The following FANCL variants were observed in gnomAD, a reference collection of about 807,000 sequenced individuals.
The protein encoded by FANCL is E3 ubiquitin-protein ligase FANCL.
Under a neutral mutation model 59.4 loss-of-function variants are expected in FANCL, and 69 were observed. The ratio of observed to expected loss-of-function variants is 1.16; its 90% CI spans 0.96 to 1.42. FANCL has a LOEUF of 1.42. Ranked by LOEUF, FANCL falls within the 40% of genes most tolerant of loss-of-function variation. The pLI is 0.00. For missense variants in FANCL, 519 were observed against 447.2 expected, an observed-to-expected ratio of 1.16 and a Z score of -1.45; for synonymous variants, 180 against 147.1, an observed-to-expected ratio of 1.22 and a Z score of -1.62.
At chr2:58,233,628 C>T (rs924215520) in intron 1 of FANCL, among the ~76,000 whole-genome samples, 1 of 151,946 alleles carries the variant, frequency 6.6e-6, no homozygotes, top group Non-Finnish European at 1.5e-5. Flanking sequence ...AAATATGAAG[C>T]ACTTTCCAAT....
At chr2:58,180,943 A>C (rs901203240) in intron 7 of FANCL, among the ~76,000 whole-genome samples, 4 of 152,104 alleles carry the variant, frequency 2.6e-5, no homozygotes, top group Non-Finnish European at 5.9e-5. Context: ...ACACAAAGCA[A>C]CTGAACTCTC....
At chr2:58,189,905 C>T (rs1025976479) in intron 7 of FANCL, among the ~76,000 whole-genome samples, 4 of 151,938 alleles carry the variant, frequency 2.6e-5, no homozygotes, top group Non-Finnish European at 5.9e-5. Context: ...ATAATACTTG[C>T]AGATAAATCC....
chr2:58,174,187 T>C (rs546541064), intron 7 of FANCL, among the ~76,000 whole-genome samples: 13 of 152,242 alleles, frequency 8.5e-5, no homozygotes, highest in Admixed American at 6.5e-4. Flanking sequence ...ACAATAATAA[T>C]GGGAGAATTT....
chr2:58,224,500 C>T (rs1201456570), intron 4 of FANCL, among the ~76,000 whole-genome samples: 1 of 151,718 alleles, frequency 6.6e-6, no homozygotes, highest in Non-Finnish European at 1.5e-5. Flanking sequence ...TTATTCTAAT[C>T]TCACACATTT....
chr2:58,233,951 TA>T, intron 1 of FANCL, among the ~76,000 whole-genome samples: 1 of 151,656 alleles, frequency 6.6e-6, no homozygotes, highest in Non-Finnish European at 1.5e-5. Flanking sequence ...TACGAGTAAA[TA>T]AAAAAACAAC....
At chr2:58,217,128 T>C (rs763610692) in intron 5 of FANCL, among the ~76,000 whole-genome samples, 1 of 112,212 alleles carries the variant, frequency 8.9e-6, no homozygotes, top group Non-Finnish European at 1.9e-5. Context: ...CATATATATA[T>C]ATTTTTATAT....
At chr2:58,161,052 ATTC>A (rs1685080520) in intron 12 of FANCL, among the ~76,000 whole-genome samples, 1 of 152,038 alleles carries the variant, frequency 6.6e-6, no homozygotes, top group South Asian at 2.1e-4. Context: ...CACAAAAGGC[ATTC>A]TTCTCAACAT....
intron 7 of FANCL, among the ~76,000 whole-genome samples, chr2:58,174,026 A>C (rs373405000): frequency 2.6e-5 from 4 of 152,088 alleles, no homozygotes; most frequent in Non-Finnish European, 5.9e-5. Flanking sequence ...AACAAAGATC[A>C]AAAGAGACAA....
intron 1 of FANCL, among the ~76,000 whole-genome samples, chr2:58,234,879 T>C (rs1222818241): frequency 6.6e-6 from 1 of 152,058 alleles, no homozygotes; most frequent in Non-Finnish European, 1.5e-5. Context: ...AAGGACAGGA[T>C]TTATCTTCCC....
intron 8 of FANCL, 47 bp downstream of exon 8, chr2:58,165,677 C>T (rs372754560): frequency 3.4e-4 from 549 of 1,607,594 alleles, no homozygotes; most frequent in Non-Finnish European, 4.3e-4. Context: ...TTTCATAATA[C>T]AAAATAAAAC....
At chr2:58,204,081 T>G in intron 6 of FANCL, 49 bp downstream of exon 6, 1 of 1,385,752 alleles carries the variant, frequency 7.2e-7, no homozygotes, top group East Asian at 2.3e-5. Context: ...ACAGAGTTCA[T>G]TTCACAAAGT....
At chr2:58,186,720 G>C (rs1434159847) in intron 7 of FANCL, among the ~76,000 whole-genome samples, 2 of 152,112 alleles carry the variant, frequency 1.3e-5, no homozygotes, top group Non-Finnish European at 2.9e-5. Flanking sequence ...AGCATCCTTG[G>C]TCTTACAGCA....
At chr2:58,194,152 C>T (rs1041144179) in intron 7 of FANCL, 3 of 468,862 alleles carry the variant, frequency 6.4e-6, no homozygotes, top group African/African-American at 2.0e-5. Context: ...CTATTTACTA[C>T]ACCACACTGA....
At chr2:58,220,877 A>G (rs534928789) in intron 5 of FANCL, among the ~76,000 whole-genome samples, 1 of 152,342 alleles carries the variant, frequency 6.6e-6, no homozygotes, top group African/African-American at 2.4e-5. Flanking sequence ...TCTAAATGGA[A>G]ATAATAAATG....
intron 3 of FANCL, among the ~76,000 whole-genome samples, chr2:58,228,335 C>T (rs560813813): frequency 6.6e-6 from 1 of 152,228 alleles, no homozygotes; most frequent in East Asian, 1.9e-4. Context: ...AATGCATGAA[C>T]ACATATGATT....
intron 7 of FANCL, among the ~76,000 whole-genome samples, chr2:58,186,468 C>T (rs1688414007): frequency 6.6e-6 from 1 of 152,072 alleles, no homozygotes; most frequent in Admixed American, 6.6e-5. Flanking sequence ...AGAGTGGGGA[C>T]TGGAAAGAGT....
intron 12 of FANCL, among the ~76,000 whole-genome samples, chr2:58,160,895 T>C (rs1053349570): frequency 1.3e-5 from 2 of 151,954 alleles, no homozygotes; most frequent in African/African-American, 4.8e-5. Flanking sequence ...CAACATACAA[T>C]TGCAAGGTGT....
chr2:58,215,410 A>G (rs760796412), intron 5 of FANCL, among the ~76,000 whole-genome samples: 28 of 152,368 alleles, frequency 1.8e-4, no homozygotes, highest in Non-Finnish European at 2.2e-4. Flanking sequence ...ACTTACAATT[A>G]TATGTAACAT....
intron 7 of FANCL, among the ~76,000 whole-genome samples, chr2:58,185,763 C>T (rs1688338231): frequency 6.6e-6 from 1 of 152,014 alleles, no homozygotes; most frequent in Non-Finnish European, 1.5e-5. Context: ...TGAATTATTG[C>T]TTAAGAAGCA....
Sources: gnomAD v4.1 joint callset for allele counts (sites outside exome capture counted in the v4.1 genomes callset) on GRCh38, gnomAD v4.1.1 for gene constraint, MANE v1.5 for transcripts, NCBI Gene and HGNC (gene_info 2026-07-23, HGNC 2026-07-21) for gene names.